GATAD1: variants seen among roughly 807,000 people sequenced by gnomAD.
GATAD1 encodes GATA zinc finger domain containing 1, also known as GATA zinc finger domain-containing protein 1.
A neutral mutation model predicts 26.5 loss-of-function variants in GATAD1; 12 were observed. The ratio of observed to expected loss-of-function variants is 0.45; its 90% confidence interval spans 0.29 to 0.73. The LOEUF (loss-of-function observed/expected upper bound fraction) is 0.73, where lower values mean the gene tolerates loss of function less well. GATAD1 is among the 30% of genes least tolerant of loss of function. The probability of loss-of-function intolerance (pLI) is 0.10; values close to 1 mark genes in which losing one functional copy is unlikely to be tolerated. For synonymous variants in GATAD1, 129 were observed against 133.1 expected (o/e 0.97, Z 0.21); for missense variants, 266 against 342.1 (o/e 0.78, Z 1.75).
At chr7:92,450,661 A>G (rs1279620237) in intron 2 of GATAD1, 40 bp from the exon 3 acceptor site, 1 of 1,374,184 alleles carries the variant, frequency 7.3e-7, no homozygotes, top group South Asian at 1.2e-5. Flanking sequence ...GTAGACACAT[A>G]CATACTATGA....
the GATAD1 span, among the ~76,000 whole-genome samples, chr7:92,465,487 C>G: frequency 6.6e-6 from 1 of 151,590 alleles, no homozygotes; most frequent in East Asian, 2.0e-4. Flanking sequence ...CTGTGGTGGC[C>G]GCTGCCTGTA....
In GATAD1 at chr7:92,450,734, A is replaced by G; in HGVS notation, c.409A>G (p.Ile137Val). The G allele has an allele frequency of 6.2e-7, 1 of 1,609,470 alleles. No individual in the cohort carries two copies. Among genetic ancestry groups the G allele is most frequent in the East Asian group, 2.2e-5 (1 of 44,846 alleles). The change falls in exon 3 of 5, where the codon ATC becomes GTC. Residue 137 changes from isoleucine (I) to valine (V), a missense_variant. By Grantham distance (29) the Ile-to-Val change is conservative. Coordinates refer to ENST00000287957, the MANE Select transcript of GATAD1 (RefSeq NM_021167.5). ...AGCTCCTGAGTCAGTTTCCACTATAATCACTGCAGAATCAATCTTCTACAA... is the reference window on the plus strand; with the variant it reads ...AGCTCCTGAGTCAGTTTCCACTATAGTCACTGCAGAATCAATCTTCTACAA... ...IKAPESVSTIITAESIFYKGV... is the reference protein window; with the variant it reads ...IKAPESVSTIVTAESIFYKGV...
At chr7:92,470,823 G>A in the GATAD1 span, 17 of 169,054 alleles carry the variant, frequency 1.0e-4, no homozygotes, top group Non-Finnish European at 4.3e-5. Context: ...CATTTCGTAT[G>A]GGCTAAGTCC....
chr7:92,469,846 G>A, the GATAD1 span: 6 of 773,836 alleles, frequency 7.8e-6, no homozygotes, highest in East Asian at 2.4e-5. Flanking sequence ...GTTTTGGGCC[G>A]AGACCTCATG....
the GATAD1 span, chr7:92,470,140 T>C: frequency 1.3e-6 from 1 of 778,852 alleles, no homozygotes; most frequent in Non-Finnish European, 2.4e-6. Context: ...AGTATTTGCA[T>C]GCATGCAAAG....
the GATAD1 span, chr7:92,490,065 A>C: frequency 1.5e-6 from 1 of 688,620 alleles, no homozygotes. Flanking sequence ...CAAGCTGAAA[A>C]GTTGTTCATC....
At position 92,458,900 on chromosome 7, in the gene GATAD1, A is replaced by G. The variant is rs1012796414; in HGVS notation, c.*2338A>G. On this transcript the variant is annotated 3_prime_UTR_variant, in exon 5 of 5. Transcript: ENST00000287957. ...ATGGGGCTCTTTAACCAAAAATGGT[A>G]TTTAAAACCAAAACAGTATCGTACT... is the stretch of plus-strand genomic sequence containing the variant. 2.6e-5 allele frequency: 4 copies of G among 152,224 alleles called. No homozygotes were observed. Among genetic ancestry groups the G allele is most frequent in the Non-Finnish European group, 4.4e-5 (3 of 68,034 alleles). The allele number at this position is 152,224 out of a possible 1,614,324, so 9.4% of individuals were successfully genotyped here.
Position 92,450,756 on chromosome 7 carries a change from A to G in GATAD1, c.431A>G (p.Tyr144Cys), listed in dbSNP as rs200584566. The G allele has an allele frequency of 1.8e-5, 29 of 1,600,336 alleles. No individual in the cohort carries two copies. The highest frequency in any genetic ancestry group is 2.4e-5 in the Non-Finnish European group (28 of 1,167,468). ...ATAATCACTGCAGAATCAATCTTCT[A>G]CAAGGTAAGCTTTTGTAGAGTTACT... ...STIITAESIFYKGVYYQIGDV... is the reference protein window; with the variant it reads ...STIITAESIFCKGVYYQIGDV... The change falls in exon 3 of 5, where the codon TAC (tyrosine) becomes TGC (cysteine). Residue 144 changes from tyrosine to cysteine, a missense_variant. Transcript: ENST00000287957.
the GATAD1 span, among the ~76,000 whole-genome samples, chr7:92,481,261 G>A: frequency 1.3e-5 from 2 of 152,164 alleles, no homozygotes; most frequent in South Asian, 2.1e-4. Flanking sequence ...GGTCAGGTGT[G>A]GTATCCAGAA....
chr7:92,469,175 C>A, the GATAD1 span: 1 of 715,184 alleles, frequency 1.4e-6, no homozygotes, highest in South Asian at 1.4e-5. Context: ...TAACAGCATT[C>A]TTCCCCTAAA....
the GATAD1 span, among the ~76,000 whole-genome samples, chr7:92,468,172 C>A: frequency 3.3e-5 from 5 of 152,188 alleles, no homozygotes; most frequent in Admixed American, 3.3e-4. Context: ...TAGGATGAAC[C>A]CAGGCACTTA....
At chr7:92,463,986 G>T (rs1411522010), downstream of GATAD1, among the ~76,000 whole-genome samples, 1 of 152,044 alleles carries the variant, frequency 6.6e-6, no homozygotes, top group East Asian at 1.9e-4. Flanking sequence ...GGTTAAAATT[G>T]TAAGTTTTGT....
chr7:92,481,609 G>A, the GATAD1 span, among the ~76,000 whole-genome samples: 19 of 152,272 alleles, frequency 1.2e-4, no homozygotes, highest in Non-Finnish European at 2.2e-4. Flanking sequence ...CCTGCACTTC[G>A]GCTGTGTGTA....
the GATAD1 span, chr7:92,494,562 G>T: frequency 6.2e-7 from 1 of 1,613,852 alleles, no homozygotes; most frequent in Non-Finnish European, 8.5e-7. Context: ...GTATTATCAT[G>T]ACCCCGCCGA....
the GATAD1 span, chr7:92,491,424 A>G: frequency 6.2e-7 from 1 of 1,613,946 alleles, no homozygotes; most frequent in Non-Finnish European, 8.5e-7. Context: ...TCTCCAGCTG[A>G]ATCGTCAGAG....
rs981433547 is a variant in GATAD1, at chr7:92,458,424, C to G, written c.*1862C>G. The G allele has an allele frequency of 1.3e-5, 2 of 152,202 alleles. No individual in the cohort carries two copies. Among genetic ancestry groups the G allele is most frequent in the Non-Finnish European group, 2.9e-5 (2 of 68,044 alleles). The allele number at this position is 152,202 out of a possible 1,614,324, so 9.4% of individuals were successfully genotyped here. The stretch of plus-strand genomic sequence containing the variant: ...ATTAGCATTGATATCTTTAAAACAT[C>G]TACCCTAAACCATCTGCTATGGACC... On this transcript the variant is annotated 3_prime_UTR_variant, in exon 5 of 5. Coordinates refer to ENST00000287957, the MANE Select transcript of GATAD1 (RefSeq NM_021167.5).
At chr7:92,461,360 G>A (rs919428371), downstream of GATAD1, 3 of 152,252 alleles carry the variant, frequency 2.0e-5, no homozygotes, top group Admixed American at 6.5e-5. Flanking sequence ...ACCAAACACA[G>A]AAGCAACAGC....
At chr7:92,477,457 G>C in the GATAD1 span, 1 of 152,370 alleles carries the variant, frequency 6.6e-6, no homozygotes, top group Non-Finnish European at 1.5e-5. Flanking sequence ...AGATGGTGGT[G>C]AACCACTTCC....
intron 2 of GATAD1, chr7:92,449,611 A>G (rs1789332860): frequency 3.1e-6 from 3 of 981,160 alleles, no homozygotes; most frequent in South Asian, 4.7e-5. Flanking sequence ...GAAGTTGGCC[A>G]TATTTATTTC....
Sources: gnomAD v4.1 joint callset for allele counts (sites outside exome capture counted in the v4.1 genomes callset) on GRCh38, gnomAD v4.1.1 for gene constraint, MANE v1.5 for transcripts, NCBI Gene and HGNC (gene_info 2026-07-23, HGNC 2026-07-21) for gene names.